OR2A1: variants seen among roughly 807,000 people sequenced by gnomAD.
The protein encoded by OR2A1 is olfactory receptor 2A1/2A42.
For synonymous variants in OR2A1, 2 were observed against 94.7 expected, an observed-to-expected ratio of 0.02 and a Z score of 5.68; for missense variants, 1 against 212.3, an observed-to-expected ratio of 0.00 and a Z score of 6.19.
In OR2A1 at chr7:144,320,426, G is replaced by T. The variant is rs1415144430; in HGVS notation, c.*1369G>T. The stretch of plus-strand genomic sequence containing the variant: ...CTCACATGCTCACGTACATGCGTGT[G>T]CACACACACACACACACACACACAT... On this transcript the variant is annotated 3_prime_UTR_variant, in exon 2 of 2. Coordinates refer to ENST00000641044, the MANE Select transcript of OR2A1 (RefSeq NM_001005287.2). 1 of 124,194 alleles carries T rather than the reference G, an allele frequency of 8.1e-6. No homozygotes were observed. The highest frequency in any genetic ancestry group is 1.6e-5 in the Non-Finnish European group (1 of 61,984). 7.7% of individuals were successfully genotyped at this position (124,194 alleles called of 1,614,324 possible).
At chr7:144,316,701 G>A (rs1259320146) in intron 1 of OR2A1, among the ~76,000 whole-genome samples, 1 of 152,190 alleles carries the variant, frequency 6.6e-6, no homozygotes, top group Non-Finnish European at 1.5e-5. Flanking sequence ...ATTCCATGGT[G>A]TATATGTACC....
chr7:144,316,026 G>T (rs200981775), intron 1 of OR2A1, among the ~76,000 whole-genome samples: 28,320 of 136,806 alleles, frequency 0.21, 881 homozygotes, highest in African/African-American at 0.28. Flanking sequence ...AAATAAAGAT[G>T]TTTATAAGGT....
At chr7:144,313,423 T>TTTC in intron 1 of OR2A1, among the ~76,000 whole-genome samples, 1 of 96,282 alleles carries the variant, frequency 1.0e-5, no homozygotes, top group Non-Finnish European at 2.0e-5. Context: ...TTTGTTTTTT[T>TTTC]ACCATCTTTG....
At position 144,320,350 on chromosome 7, in the gene OR2A1, G is replaced by T. The variant is rs1256742090; in HGVS notation, c.*1293G>T. The T allele has an allele frequency of 2.4e-5, 3 of 125,170 alleles. No homozygotes were observed. Among genetic ancestry groups the T allele is most frequent in the African/African-American group, 1.2e-4 (3 of 25,314 alleles). The allele number at this position is 125,170 out of a possible 1,614,324, so 7.8% of individuals were successfully genotyped here. On this transcript the variant is annotated 3_prime_UTR_variant, in exon 2 of 2. Coordinates refer to ENST00000641044, the MANE Select transcript of OR2A1 (RefSeq NM_001005287.2). Reference sequence around the variant, plus strand: ...GAGAGTAAGTTTAGAACTATACTTGGTTCTGGGTGGTAAGATCCAGAACAA... The same window carrying T: ...GAGAGTAAGTTTAGAACTATACTTGTTTCTGGGTGGTAAGATCCAGAACAA...
At position 144,320,329 on chromosome 7, in the gene OR2A1, G is replaced by C; in HGVS notation, c.*1272G>C. The C allele has an allele frequency of 8.3e-6, 1 of 120,090 alleles. No homozygotes were observed. Among genetic ancestry groups the C allele is most frequent in the Non-Finnish European group, 1.6e-5 (1 of 62,274 alleles). 7.4% of individuals were successfully genotyped at this position (120,090 alleles called of 1,614,324 possible). ...AGGCTGTTCTCAATGAGATTAGAGA[G>C]TAAGTTTAGAACTATACTTGGTTCT... is the stretch of plus-strand genomic sequence containing the variant. On this transcript the variant is annotated 3_prime_UTR_variant, in exon 2 of 2. Transcript: ENST00000641044.
upstream of OR2A1, among the ~76,000 whole-genome samples, chr7:144,312,107 C>T (rs1188015234): frequency 9.9e-6 from 1 of 100,672 alleles, no homozygotes; most frequent in Non-Finnish European, 2.0e-5. Context: ...CCAAGCATTC[C>T]GGGACTATAA....
rs1299989456 is a variant in OR2A1, at chr7:144,322,530, G to A, written c.*3473G>A. ...TAATACTATCCTAACATTAAAGGGG[G>A]GGAAATAAAGTTTAGTGTAATTAAT... On this transcript the variant is annotated 3_prime_UTR_variant, in exon 2 of 2. Transcript: ENST00000641044. 1.6e-4 allele frequency: 24 copies of A among 150,672 alleles called. 2 individuals are homozygous for A. The highest frequency in any genetic ancestry group is 4.9e-4 in the African/African-American group (20 of 40,814). 9.3% of individuals were successfully genotyped at this position (150,672 alleles called of 1,614,324 possible). A position where few individuals can be genotyped will look rare whatever the true frequency, so the allele number is the denominator to read the frequency against.
rs2053150938 is a variant in OR2A1 at position 144,320,762 on chromosome 7, G to T, written c.*1705G>T. On this transcript the variant is annotated 3_prime_UTR_variant, in exon 2 of 2. Transcript: ENST00000641044. ...AATTTTCAATCTCTAGCCAAAGATA[G>T]GCATTGGGCTCCAGACAGAAAAGTA... 1 of 47,256 alleles carries T rather than the reference G, an allele frequency of 2.1e-5. No homozygotes were observed. The highest frequency in any genetic ancestry group is 3.9e-5 in the Non-Finnish European group (1 of 25,932). The allele number at this position is 47,256 out of a possible 1,614,324, so 2.9% of individuals were successfully genotyped here. A position where few individuals can be genotyped will look rare whatever the true frequency, so the allele number is the denominator to read the frequency against.
rs2053040801 is a variant in OR2A1 at position 144,313,299 on chromosome 7, T to C, written c.-5+752T>C. On this transcript the variant is annotated intron_variant, in intron 1 of 1. Coordinates refer to ENST00000641044, the MANE Select transcript of OR2A1 (RefSeq NM_001005287.2). ...AATAATTATTGAATACCTACCATAT[T>C]CCAGGCACAATATATAGTCAAATGT... Among the ~76,000 whole-genome samples, 4 of 98,414 alleles carry C rather than the reference T, an allele frequency of 4.1e-5. 1 individual carries two copies. The highest frequency in any genetic ancestry group is 3.5e-4 in the South Asian group (1 of 2,898). The allele number at this position is 98,414 out of a possible 152,430, so 64.6% of individuals were successfully genotyped here. A position where few individuals can be genotyped will look rare whatever the true frequency, so the allele number is the denominator to read the frequency against.
At position 144,322,614 on chromosome 7, in the gene OR2A1, G is replaced by A. The variant is rs1312759973; in HGVS notation, c.*3557G>A. ...TAGAAACATGAATCAAGACCAGGCA[G>A]TCTGACTGTAAATAAATTCTGAGCC... is the stretch of plus-strand genomic sequence containing the variant. On this transcript the variant is annotated 3_prime_UTR_variant, in exon 2 of 2. Transcript: ENST00000641044. 5.3e-5 allele frequency: 8 copies of A among 150,290 alleles called. No individual in the cohort carries two copies. In the South Asian group the frequency reaches 1.5e-3, roughly 27 times the overall value. The allele number at this position is 150,290 out of a possible 1,614,324, so 9.3% of individuals were successfully genotyped here. A position where few individuals can be genotyped will look rare whatever the true frequency, so the allele number is the denominator to read the frequency against.
intron 1 of OR2A1, among the ~76,000 whole-genome samples, chr7:144,317,358 C>A (rs2053101626): frequency 1.3e-5 from 2 of 152,114 alleles, no homozygotes; most frequent in Admixed American, 6.6e-5. Flanking sequence ...CAGTGGCAAA[C>A]ATAACATTCA....
intron 1 of OR2A1, among the ~76,000 whole-genome samples, chr7:144,313,269 CAATA>C (rs1353836640): frequency 5.0e-5 from 5 of 100,900 alleles, no homozygotes; most frequent in African/African-American, 1.5e-4. Context: ...TCTAGTTAGT[CAATA>C]AATAATTATT....
rs1409927038 is a variant in OR2A1 at position 144,321,128 on chromosome 7, C to T, written c.*2071C>T. Reference sequence around the variant, plus strand: ...TTTTGAGGCTGCAGTGAGCCATGATCGCACCACTGCATTCCAGCCTGGGTG... The same window carrying T: ...TTTTGAGGCTGCAGTGAGCCATGATTGCACCACTGCATTCCAGCCTGGGTG... On this transcript the variant is annotated 3_prime_UTR_variant, in exon 2 of 2. Transcript: ENST00000641044. The T allele has an allele frequency of 2.6e-5, 2 of 76,736 alleles. No homozygotes were observed. The highest frequency in any genetic ancestry group is 1.5e-4 in the African/African-American group (2 of 13,150). The allele number at this position is 76,736 out of a possible 1,614,324, so 4.8% of individuals were successfully genotyped here. A position where few individuals can be genotyped will look rare whatever the true frequency, so the allele number is the denominator to read the frequency against.
chr7:144,312,154 T>C (rs1206814582), upstream of OR2A1, among the ~76,000 whole-genome samples: 3 of 98,194 alleles, frequency 3.1e-5, 1 homozygote, highest in Non-Finnish European at 6.1e-5. Context: ...TCTGTGGCTG[T>C]CGGTGTTTGT....
Position 144,321,525 on chromosome 7 carries a change from C to G in OR2A1, c.*2468C>G, listed in dbSNP as rs2053162288. ...AGGATTGGCCCAGGCATCCAAGAAG[C>G]CCACGATGCTGCCTACCCCTTAAAT... On this transcript the variant is annotated 3_prime_UTR_variant, in exon 2 of 2. Transcript: ENST00000641044. 6.6e-6 allele frequency: 1 copy of G among 152,146 alleles called. No homozygotes were observed. Among genetic ancestry groups the G allele is most frequent in the Non-Finnish European group, 1.5e-5 (1 of 68,608 alleles). The allele number at this position is 152,146 out of a possible 1,614,324, so 9.4% of individuals were successfully genotyped here.
At position 144,320,463 on chromosome 7, in the gene OR2A1, G is replaced by T. The variant is rs1427739333; in HGVS notation, c.*1406G>T. ...ACACACACACACATATACGCACAGT[G>T]CTTAGTGAAGCACTATTCCAAGAAC... is the stretch of plus-strand genomic sequence containing the variant. On this transcript the variant is annotated 3_prime_UTR_variant, in exon 2 of 2. Coordinates refer to ENST00000641044, the MANE Select transcript of OR2A1 (RefSeq NM_001005287.2). 1 of 128,750 alleles carries T rather than the reference G, an allele frequency of 7.8e-6. No homozygotes were observed. Among genetic ancestry groups the T allele is most frequent in the East Asian group, 2.2e-4 (1 of 4,520 alleles). 8.0% of individuals were successfully genotyped at this position (128,750 alleles called of 1,614,324 possible).
intron 1 of OR2A1, among the ~76,000 whole-genome samples, chr7:144,316,342 T>G (rs2053078892): frequency 6.7e-6 from 1 of 148,630 alleles, no homozygotes; most frequent in Admixed American, 6.8e-5. Context: ...CTTTTCTAAC[T>G]TTTAAGTTCA....
In OR2A1 at chr7:144,318,117, AC is replaced by A. The variant is rs1275990828; in HGVS notation, c.-4-3del. 2 of 618,888 alleles carry A rather than the reference AC, an allele frequency of 3.2e-6. No individual in the cohort carries two copies. Among genetic ancestry groups the A allele is most frequent in the Non-Finnish European group, 5.8e-6 (2 of 347,198 alleles). The allele number at this position is 618,888 out of a possible 1,614,324, so 38.3% of individuals were successfully genotyped here. Reference sequence around the variant, plus strand: ...GTCCTAAGTGATCTTTTTCTTTTTCACAGGGAAATGGGGGAAAATCAGACAA... The same window carrying A: ...GTCCTAAGTGATCTTTTTCTTTTTCAAGGGAAATGGGGGAAAATCAGACAA... On this transcript the variant is annotated splice_region_variant and splice_polypyrimidine_tract_variant and intron_variant, in intron 1 of 1. Transcript: ENST00000641044.
chr7:144,320,356 G>A lies in OR2A1; in HGVS notation c.*1299G>A, dbSNP rs1475479816. 1 of 125,734 alleles carries A rather than the reference G, an allele frequency of 8.0e-6. No individual in the cohort carries two copies. The highest frequency in any genetic ancestry group is 3.9e-5 in the African/African-American group (1 of 25,572). 7.8% of individuals were successfully genotyped at this position (125,734 alleles called of 1,614,324 possible). A position where few individuals can be genotyped will look rare whatever the true frequency, so the allele number is the denominator to read the frequency against. On this transcript the variant is annotated 3_prime_UTR_variant, in exon 2 of 2. Coordinates refer to ENST00000641044, the MANE Select transcript of OR2A1 (RefSeq NM_001005287.2). ...AAGTTTAGAACTATACTTGGTTCTG[G>A]GTGGTAAGATCCAGAACAAAGACAT...
Sources: gnomAD v4.1 joint callset for allele counts (sites outside exome capture counted in the v4.1 genomes callset) on GRCh38, gnomAD v4.1.1 for gene constraint, MANE v1.5 for transcripts, NCBI Gene and HGNC (gene_info 2026-07-23, HGNC 2026-07-21) for gene names.